Variants in TTLL4 observed in about 807,000 individuals in gnomAD.
TTLL4 encodes the protein tubulin tyrosine ligase like 4.
A neutral mutation model predicts 122.7 loss-of-function variants in TTLL4; 85 were observed. The observed-to-expected ratio is 0.69, with a 90% confidence interval of 0.58 to 0.83. TTLL4 has a LOEUF of 0.83. TTLL4 is among the 40% of genes least tolerant of loss of function. The pLI is 0.00. For missense variants in TTLL4, 1,363 were observed against 1,488.6 expected (o/e 0.92, Z 1.39); for synonymous variants, 553 against 563.0 (o/e 0.98, Z 0.25).
At position 218,748,152 on chromosome 2, in the gene TTLL4, C is replaced by T; in HGVS notation, c.2426C>T (p.Thr809Ile). 1 of 1,614,140 alleles carries T rather than the reference C, an allele frequency of 6.2e-7. No individual in the cohort carries two copies. Among genetic ancestry groups the T allele is most frequent in the Non-Finnish European group, 8.5e-7 (1 of 1,180,010 alleles). The change falls in exon 12 of 20, where the codon ACC (threonine) becomes ATC (isoleucine). Residue 809 changes from threonine to isoleucine, a missense_variant. Transcript: ENST00000392102. ...CTTGGCAATAAGTTCATGCACCTGACCAACTACAGTGTCAATAAAAAGAAT... is the reference window on the plus strand; with the variant it reads ...CTTGGCAATAAGTTCATGCACCTGATCAACTACAGTGTCAATAAAAAGAAT... ...KSLGNKFMHLTNYSVNKKNAE... is the reference protein window; with the variant it reads ...KSLGNKFMHLINYSVNKKNAE...
At position 218,747,900 on chromosome 2, in the gene TTLL4, A is replaced by G; in HGVS notation, c.2378+175A>G. 1 of 1,138,696 alleles carries G rather than the reference A, an allele frequency of 8.8e-7. No individual in the cohort carries two copies. 70.5% of individuals were successfully genotyped at this position (1,138,696 alleles called of 1,614,324 possible). A position where few individuals can be genotyped will look rare whatever the true frequency, so the allele number is the denominator to read the frequency against. ...TTAAATCTGGGGAGGGTCTTCCTGC[A>G]TGCGGGACTGAGGTGGGATAAAGGA... On this transcript the variant is annotated intron_variant, in intron 11 of 19. Transcript: ENST00000392102. The surrounding 1 kb of genome is among the most constrained non-coding windows in gnomAD (Gnocchi z 4.7).
At chr2:218,746,443 T>C (rs1286682862) in intron 8 of TTLL4, 2 of 562,572 alleles carry the variant, frequency 3.6e-6, no homozygotes, top group African/African-American at 3.8e-5. Context: ...TCTTGGAGTT[T>C]CTTGCCTATG....
Position 218,711,057 on chromosome 2 carries a change from CA to C in TTLL4, c.-178+21del, listed in dbSNP as rs1941686950. 1 of 152,424 alleles carries C rather than the reference CA, an allele frequency of 6.6e-6. No homozygotes were observed. Among genetic ancestry groups the C allele is most frequent in the African/African-American group, 2.4e-5 (1 of 41,468 alleles). The allele number at this position is 152,424 out of a possible 1,614,324, so 9.4% of individuals were successfully genotyped here. On this transcript the variant is annotated intron_variant, in intron 1 of 19. Coordinates refer to ENST00000392102, the MANE Select transcript of TTLL4 (RefSeq NM_014640.5). ...CCCTAGGTGAGTGCGGCTGCGGAGC[CA>C]GGGGAGCCGACCCCAGACACTCCGC...
At chr2:218,757,615 G>A (rs115291845), downstream of TTLL4, among the ~76,000 whole-genome samples, 1,010 of 152,260 alleles carry the variant, frequency 6.6e-3, 13 homozygotes, top group African/African-American at 0.022. Context: ...ACAGCTGTAC[G>A]AAGGGGCAGT....
chr2:218,758,605 C>T (rs1366118865), downstream of TTLL4, among the ~76,000 whole-genome samples: 1 of 152,140 alleles, frequency 6.6e-6, no homozygotes, highest in Non-Finnish European at 1.5e-5. Flanking sequence ...AAGATTAAAG[C>T]CCCCATCATT....
Position 218,738,170 on chromosome 2 carries a change from C to T in TTLL4, c.494C>T (p.Ser165Phe). ...VSLTANKATS[S>F]MVFSMAQPMA... ...CTCACTGCCAACAAGGCCACTTCTT[C>T]CATGGTCTTCTCCATGGCCCAGCCC... is the stretch of plus-strand genomic sequence containing the variant. The change falls in exon 3 of 20, where the codon TCC becomes TTC. Residue 165 changes from serine to phenylalanine, a missense_variant. By Grantham distance (155) the Ser-to-Phe change is radical. Around this residue, in one of 3 missense-constraint regions of TTLL4, gnomAD observed 760 missense variants for 808.4 expected, o/e 0.94. Transcript: ENST00000392102. 2 of 1,614,124 alleles carry T rather than the reference C, an allele frequency of 1.2e-6. No individual in the cohort carries two copies. Among genetic ancestry groups the T allele is most frequent in the Non-Finnish European group, 1.7e-6 (2 of 1,180,028 alleles).
intron 14 of TTLL4, 94 bp downstream of exon 14, chr2:218,749,481 T>G: frequency 1.3e-6 from 2 of 1,497,470 alleles, no homozygotes; most frequent in Non-Finnish European, 1.8e-6. Context: ...TTTTTTTTTT[T>G]TCTTTGAGAT....
At chr2:218,714,846 C>A (rs1941812641) in intron 1 of TTLL4, among the ~76,000 whole-genome samples, 2 of 148,968 alleles carry the variant, frequency 1.3e-5, no homozygotes, top group Admixed American at 1.3e-4. Context: ...TGGACTCAAA[C>A]AGTCCTCCCG....
chr2:218,752,613 G>A (rs2106463894), intron 16 of TTLL4, 150 bp from the exon 17 acceptor site: 1 of 736,238 alleles, frequency 1.4e-6, no homozygotes, highest in Non-Finnish European at 2.2e-6. Flanking sequence ...GTCTTTCAGA[G>A]CTGGCCCACT....
In TTLL4 at chr2:218,753,686, C is replaced by G; in HGVS notation, c.3344+17C>G. 1 of 1,613,530 alleles carries G rather than the reference C, an allele frequency of 6.2e-7. No individual in the cohort carries two copies. The highest frequency in any genetic ancestry group is 8.5e-7 in the Non-Finnish European group (1 of 1,179,610). On this transcript the variant is annotated intron_variant, in intron 19 of 19. Coordinates refer to ENST00000392102, the MANE Select transcript of TTLL4 (RefSeq NM_014640.5). ...CAAGCTGGGGTGAGTGCTGCCTGGGCAAGGGAGGGGCTGCTGGCTGTGAGT... is the reference window on the plus strand; with the variant it reads ...CAAGCTGGGGTGAGTGCTGCCTGGGGAAGGGAGGGGCTGCTGGCTGTGAGT...
chr2:218,741,386 C>T (rs549414466), intron 5 of TTLL4, among the ~76,000 whole-genome samples: 6 of 152,314 alleles, frequency 3.9e-5, no homozygotes, highest in Admixed American at 2.6e-4. Context: ...CACCCAGAGT[C>T]GGGTTGTTTT....
In TTLL4 at chr2:218,747,558, C is replaced by T; in HGVS notation, c.2250-39C>T. 21 of 1,608,964 alleles carry T rather than the reference C, an allele frequency of 1.3e-5. No homozygotes were observed. The highest frequency in any genetic ancestry group is 1.7e-5 in the Non-Finnish European group (20 of 1,176,732). On this transcript the variant is annotated intron_variant, in intron 10 of 19. Coordinates refer to ENST00000392102, the MANE Select transcript of TTLL4 (RefSeq NM_014640.5). The surrounding 1 kb of genome is among the most constrained non-coding windows in gnomAD (Gnocchi z 4.7). ...GGCTTGGTTACCCACTGAGCCCCAT[C>T]ATCTGGCTGTATGAGAAGCTGGCCT...
chr2:218,739,979 AGAT>A, intron 3 of TTLL4, 76 bp from the exon 4 acceptor site: 1 of 1,298,744 alleles, frequency 7.7e-7, no homozygotes, highest in South Asian at 1.3e-5. Flanking sequence ...AAATACTGGG[AGAT>A]GATGAAGGAA....
rs1333403181 is a variant in TTLL4 at position 218,755,254 on chromosome 2, T to A, written c.*865T>A. The A allele has an allele frequency of 6.6e-6, 1 of 152,184 alleles. No individual in the cohort carries two copies. Among genetic ancestry groups the A allele is most frequent in the East Asian group, 1.9e-4 (1 of 5,186 alleles). The allele number at this position is 152,184 out of a possible 1,614,324, so 9.4% of individuals were successfully genotyped here. ...TAGTGCAACAAACATGGTTTCTCAA[T>A]GTTCTGCTGTGCAGCAAGCAGGGTC... On this transcript the variant is annotated 3_prime_UTR_variant, in exon 20 of 20. Coordinates refer to ENST00000392102, the MANE Select transcript of TTLL4 (RefSeq NM_014640.5).
At chr2:218,732,062 C>T (rs1942396342) in intron 2 of TTLL4, among the ~76,000 whole-genome samples, 1 of 151,978 alleles carries the variant, frequency 6.6e-6, no homozygotes, top group African/African-American at 2.4e-5. Flanking sequence ...TTTATTGGCC[C>T]CTAAAGTAAG....
intron 1 of TTLL4, among the ~76,000 whole-genome samples, chr2:218,712,247 G>A (rs999769536): frequency 6.6e-6 from 1 of 152,152 alleles, no homozygotes; most frequent in African/African-American, 2.4e-5. Flanking sequence ...AAAGGGCCTT[G>A]GATGTTTTGC....
chr2:218,716,331 C>G (rs368573113), intron 1 of TTLL4, among the ~76,000 whole-genome samples: 2 of 152,136 alleles, frequency 1.3e-5, no homozygotes, highest in Admixed American at 6.6e-5. Flanking sequence ...GTAAACATGG[C>G]GTTCCACAGA....
chr2:218,739,151 A>G lies in TTLL4; in HGVS notation c.1475A>G (p.Asp492Gly). 7 of 1,612,416 alleles carry G rather than the reference A, an allele frequency of 4.3e-6. No individual in the cohort carries two copies. The highest frequency in any genetic ancestry group is 5.9e-6 in the Non-Finnish European group (7 of 1,179,762). ...GAGGCCAGGGAGCTGGACTCATCTG[A>G]TAGGGATATTAGGTATGTTGGCAAT... ...PEEARELDSS[D>G]RDISSATDLQ... Residue 492 changes from aspartate (D) to glycine (G), a missense_variant, in exon 3 of 20, where the codon GAT becomes GGT. Asp to Gly is a moderately conservative substitution (Grantham distance 94). This residue lies in a region of TTLL4 where 760 missense variants were observed against 808.4 expected (regional missense o/e 0.94). Transcript: ENST00000392102.
intron 1 of TTLL4, among the ~76,000 whole-genome samples, chr2:218,722,287 A>G (rs1049801807): frequency 6.6e-6 from 1 of 152,090 alleles, no homozygotes; most frequent in Non-Finnish European, 1.5e-5. Context: ...GTATACACAG[A>G]TAAGTCATCT....
Sources: gnomAD v4.1 joint callset for allele counts (sites outside exome capture counted in the v4.1 genomes callset) on GRCh38, gnomAD v4.1.1 for gene constraint, gnomAD v4.1.1 regional missense constraint, Gnocchi (gnomAD v3.1) non-coding constraint, MANE v1.5 for transcripts, NCBI Gene and HGNC (gene_info 2026-07-23, HGNC 2026-07-21) for gene names.